The following GAB3 variants were observed in gnomAD, a reference collection of about 807,000 sequenced individuals.
GAB3 encodes GRB2 associated binding protein 3.
GAB3 carries 12 observed loss-of-function variants against 40.4 expected under a neutral mutation model. The ratio of observed to expected loss-of-function variants is 0.30; its 90% CI spans 0.19 to 0.48. The LOEUF is 0.48. GAB3 is among the 20% of genes least tolerant of loss of function. GAB3 has a pLI of 0.99. For missense variants in GAB3, 381 were observed against 461.9 expected, an observed-to-expected ratio of 0.82 and a Z score of 1.61; for synonymous variants, 154 against 176.7, an observed-to-expected ratio of 0.87 and a Z score of 1.02.
intron 4 of GAB3, among the ~76,000 whole-genome samples, chrX:154,703,030 G>A (rs1229197627): frequency 8.9e-6 from 1 of 112,035 alleles, no homozygotes; most frequent in Non-Finnish European, 1.9e-5. Context: ...AGAGAAAAGG[G>A]AATGCTTATA....
chrX:154,708,363 G>C (rs1557254264), intron 4 of GAB3, among the ~76,000 whole-genome samples: 4 of 112,136 alleles, frequency 3.6e-5, no homozygotes, highest in Non-Finnish European at 7.5e-5. Context: ...GGCAAAAATA[G>C]CAAAAATAAA....
intron 1 of GAB3, among the ~76,000 whole-genome samples, chrX:154,724,342 TTAAATAAATAAATAAA>T (rs782217148): frequency 2.3e-4 from 24 of 104,810 alleles, no homozygotes; most frequent in African/African-American, 6.7e-4. Flanking sequence ...AGACTTCATC[TTAAATAAATAAATAAA>T]TAAATAAATA....
intron 8 of GAB3, among the ~76,000 whole-genome samples, chrX:154,685,860 T>C (rs1179793640): frequency 8.9e-6 from 1 of 111,870 alleles, no homozygotes; most frequent in Non-Finnish European, 1.9e-5. Flanking sequence ...TAGATAAACA[T>C]ATGGGGAAAA....
chrX:154,727,202 T>C (rs1222224527), intron 1 of GAB3, among the ~76,000 whole-genome samples: 3 of 112,342 alleles, frequency 2.7e-5, no homozygotes, highest in African/African-American at 9.7e-5. Flanking sequence ...TCTTCCACAC[T>C]GGTCTTTTTG....
At chrX:154,683,249 G>A (rs782036099) in intron 8 of GAB3, among the ~76,000 whole-genome samples, 23 of 111,862 alleles carry the variant, frequency 2.1e-4, no homozygotes, top group South Asian at 3.7e-4. Flanking sequence ...TAGGAACTAC[G>A]TTTTGCCACT....
intron 4 of GAB3, among the ~76,000 whole-genome samples, chrX:154,701,770 A>C (rs1173018955): frequency 8.9e-6 from 1 of 112,276 alleles, no homozygotes; most frequent in Non-Finnish European, 1.9e-5. Flanking sequence ...CAATAGCCAC[A>C]CAAAAACTTA....
intron 7 of GAB3, 59 bp downstream of exon 7, chrX:154,697,073 G>C (rs1603424075): frequency 1.1e-6 from 1 of 942,765 alleles, no homozygotes; most frequent in East Asian, 3.1e-5. Flanking sequence ...TTAATCAGAG[G>C]CCTAACACAC....
At chrX:154,747,497 A>G (rs2071546466) in intron 1 of GAB3, among the ~76,000 whole-genome samples, 1 of 112,232 alleles carries the variant, frequency 8.9e-6, no homozygotes, top group Admixed American at 9.4e-5. Flanking sequence ...AATATAAAAT[A>G]TAAAATTATA....
intron 6 of GAB3, 37 bp from the exon 7 acceptor site, chrX:154,697,250 C>T: frequency 1.0e-6 from 1 of 994,968 alleles, no homozygotes; most frequent in Non-Finnish European, 1.4e-6. Flanking sequence ...AGGTCAAGGC[C>T]AGAGTCTAAA....
intron 8 of GAB3, among the ~76,000 whole-genome samples, chrX:154,693,260 G>A (rs2070600577): frequency 9.0e-6 from 1 of 111,712 alleles, no homozygotes; most frequent in African/African-American, 3.3e-5. Flanking sequence ...ACAGAAAGTA[G>A]AGCTTTACTA....
intron 8 of GAB3, among the ~76,000 whole-genome samples, chrX:154,685,975 A>T (rs1557247708): frequency 8.9e-6 from 1 of 111,802 alleles, no homozygotes. Flanking sequence ...ACCATAATTC[A>T]CCCGAGATCA....
At chrX:154,739,839 A>C (rs1483233629) in intron 1 of GAB3, among the ~76,000 whole-genome samples, 4 of 112,218 alleles carry the variant, frequency 3.6e-5, no homozygotes, top group Non-Finnish European at 5.6e-5. Context: ...AAACTGCCCC[A>C]AAACAGACCC....
At chrX:154,747,035 T>G (rs1162784272) in intron 1 of GAB3, among the ~76,000 whole-genome samples, 1 of 112,533 alleles carries the variant, frequency 8.9e-6, no homozygotes, top group Admixed American at 9.4e-5. Flanking sequence ...TAGATAGTTT[T>G]GCTCTTGTCG....
At chrX:154,691,274 G>C (rs1412546707) in intron 8 of GAB3, among the ~76,000 whole-genome samples, 4 of 77,805 alleles carry the variant, frequency 5.1e-5, no homozygotes, top group Non-Finnish European at 7.2e-5. Context: ...GTTGTGGGGT[G>C]GGGGGAGGGG....
chrX:154,694,294 C>T (rs950616796), intron 8 of GAB3, among the ~76,000 whole-genome samples: 2 of 111,799 alleles, frequency 1.8e-5, no homozygotes, highest in Admixed American at 9.5e-5. Flanking sequence ...GTCATGTTGC[C>T]TACTAATACA....
chrX:154,688,143 C>A (rs2070487089), intron 8 of GAB3, among the ~76,000 whole-genome samples: 1 of 112,011 alleles, frequency 8.9e-6, no homozygotes, highest in African/African-American at 3.2e-5. Context: ...GAAACAAAAT[C>A]AATAAATTGG....
upstream of GAB3, among the ~76,000 whole-genome samples, chrX:154,751,284 CG>C (rs1247944998): frequency 5.0e-4 from 26 of 52,324 alleles, no homozygotes; most frequent in Non-Finnish European, 4.9e-4. Context: ...CGGCTGTGCC[CG>C]GGGGGGGGGT....
upstream of GAB3, among the ~76,000 whole-genome samples, chrX:154,751,300 G>T (rs1391156997): frequency 9.8e-6 from 1 of 102,062 alleles, no homozygotes; most frequent in Admixed American, 1.0e-4. Flanking sequence ...GGGGGTGTGG[G>T]GGGGGGAGCC....
chrX:154,723,727 G>C (rs2071170653), intron 1 of GAB3, among the ~76,000 whole-genome samples: 1 of 111,570 alleles, frequency 9.0e-6, no homozygotes, highest in South Asian at 3.8e-4. Context: ...ACGATAGACT[G>C]TGAAGATGAG....
Sources: allele counts gnomAD v4.1 joint callset (sites outside exome capture counted in the v4.1 genomes callset), GRCh38; gene constraint gnomAD v4.1.1; transcripts MANE v1.5; gene names NCBI Gene and HGNC (gene_info 2026-07-23, HGNC 2026-07-21).